Variants in CGGBP1 observed in about 807,000 individuals in gnomAD.
The protein encoded by CGGBP1 is CGG triplet repeat binding protein 1, also known as CGG triplet repeat-binding protein 1.
CGGBP1 carries 4 observed loss-of-function variants against 11.4 expected under a neutral mutation model. The ratio of observed to expected loss-of-function variants is 0.35; its 90% CI spans 0.17 to 0.80. The LOEUF (loss-of-function observed/expected upper bound fraction) is 0.80. CGGBP1 is among the 30% of genes least tolerant of loss of function. CGGBP1 has a pLI of 0.52. For synonymous variants in CGGBP1, 76 were observed against 74.1 expected, an observed-to-expected ratio of 1.03 and a Z score of -0.13; for missense variants, 135 against 202.1, an observed-to-expected ratio of 0.67 and a Z score of 2.01.
chr3:88,064,351 C>T (rs534479256), intron 2 of CGGBP1, among the ~76,000 whole-genome samples: 14 of 152,284 alleles, frequency 9.2e-5, no homozygotes, highest in Admixed American at 7.2e-4. Flanking sequence ...AGCATGTTCA[C>T]TATGTACACT....
chr3:88,108,063 A>G (rs1160038814), intron 2 of CGGBP1, among the ~76,000 whole-genome samples: 1 of 152,010 alleles, frequency 6.6e-6, no homozygotes, highest in Non-Finnish European at 1.5e-5. Flanking sequence ...GATTGAAAGA[A>G]TTTGCATTTG....
At chr3:88,059,659 C>T (rs1184679094), upstream of CGGBP1, among the ~76,000 whole-genome samples, 1 of 150,680 alleles carries the variant, frequency 6.6e-6, no homozygotes, top group Non-Finnish European at 1.5e-5. Context: ...ACTTATCCGG[C>T]TTGGGGTGGG....
upstream of CGGBP1, chr3:88,059,249 G>A (rs1706688320): frequency 5.2e-6 from 8 of 1,527,742 alleles, no homozygotes; most frequent in Admixed American, 2.0e-5. Context: ...AGAGGAGGAG[G>A]AGGTTAGCCT....
At chr3:88,065,023 ATAAT>A (rs1559685446) in intron 2 of CGGBP1, among the ~76,000 whole-genome samples, 1 of 152,262 alleles carries the variant, frequency 6.6e-6, no homozygotes, top group African/African-American at 2.4e-5. Context: ...TGCATTGATA[ATAAT>A]TTTTAATTGC....
chr3:88,068,767 C>T (rs1241937129), intron 2 of CGGBP1, among the ~76,000 whole-genome samples: 1 of 152,116 alleles, frequency 6.6e-6, no homozygotes, highest in Non-Finnish European at 1.5e-5. Flanking sequence ...CCATTATTCT[C>T]ATTTTTATAG....
At chr3:88,143,114 C>T (rs1487525905) in intron 1 of CGGBP1, 3 of 152,314 alleles carry the variant, frequency 2.0e-5, no homozygotes, top group Non-Finnish European at 4.4e-5. Context: ...ATAATCTCAT[C>T]AGACCCTATT....
chr3:88,087,318 G>A (rs1319316865), intron 2 of CGGBP1, among the ~76,000 whole-genome samples: 2 of 152,090 alleles, frequency 1.3e-5, no homozygotes, highest in African/African-American at 4.8e-5. Context: ...CAGGTGATCT[G>A]CCCACCTTGG....
chr3:88,141,334 T>C (rs371752942), intron 1 of CGGBP1, among the ~76,000 whole-genome samples: 57 of 55,818 alleles, frequency 1.0e-3, no homozygotes, highest in African/African-American at 2.2e-3. Flanking sequence ...ATTCTTTGAT[T>C]ATACTTCTTC....
At chr3:88,067,405 C>A (rs1707259761) in intron 2 of CGGBP1, among the ~76,000 whole-genome samples, 1 of 152,004 alleles carries the variant, frequency 6.6e-6, no homozygotes, top group African/African-American at 2.4e-5. Context: ...AAGGGAGGTC[C>A]GGTTATCATA....
chr3:88,074,586 C>T (rs1360754452), intron 2 of CGGBP1, among the ~76,000 whole-genome samples: 2 of 152,102 alleles, frequency 1.3e-5, no homozygotes, highest in African/African-American at 2.4e-5. Context: ...AAGTGATCCG[C>T]CTGCCTCGGC....
chr3:88,080,124 T>C (rs1576223243), intron 2 of CGGBP1, among the ~76,000 whole-genome samples: 2 of 152,086 alleles, frequency 1.3e-5, no homozygotes. Flanking sequence ...TAGCATTTTA[T>C]TTATATTGCT....
At chr3:88,147,126 G>A (rs1707327070) in intron 1 of CGGBP1, among the ~76,000 whole-genome samples, 1 of 152,138 alleles carries the variant, frequency 6.6e-6, no homozygotes, top group African/African-American at 2.4e-5. Flanking sequence ...CCATGTGCGG[G>A]CCTCTGTAAC....
chr3:88,066,145 TTAAA>T (rs1707187052), intron 2 of CGGBP1, among the ~76,000 whole-genome samples: 1 of 152,236 alleles, frequency 6.6e-6, no homozygotes, highest in Non-Finnish European at 1.5e-5. Context: ...AATGAATTGG[TTAAA>T]TAAACTTATG....
At chr3:88,100,506 C>T (rs1279548788) in intron 2 of CGGBP1, among the ~76,000 whole-genome samples, 1 of 150,826 alleles carries the variant, frequency 6.6e-6, no homozygotes, top group Non-Finnish European at 1.5e-5. Flanking sequence ...TCATGCTGCG[C>T]ACATGTATGT....
At chr3:88,139,751 T>A in intron 2 of CGGBP1, 1 of 1,554,816 alleles carries the variant, frequency 6.4e-7, no homozygotes, top group Non-Finnish European at 8.7e-7. Flanking sequence ...AGCCTTTAAC[T>A]GAATGTGGGG....
chr3:88,053,246 A>C lies in CGGBP1; in HGVS notation c.*2227T>G, dbSNP rs867734854. On this transcript the variant is annotated 3_prime_UTR_variant, in exon 4 of 4. Transcript: ENST00000482016. ...AACAATCATTCTGCTGTATTTATTT[A>C]ACTTTAGACACAGTTAACTAGCTTC... The C allele has an allele frequency of 6.6e-6, 1 of 152,132 alleles. No homozygotes were observed. Among genetic ancestry groups the C allele is most frequent in the African/African-American group, 2.4e-5 (1 of 41,450 alleles). 9.4% of individuals were successfully genotyped at this position (152,132 alleles called of 1,614,324 possible). A position where few individuals can be genotyped will look rare whatever the true frequency, so the allele number is the denominator to read the frequency against.
At chr3:88,127,488 A>G (rs1706186398) in intron 2 of CGGBP1, among the ~76,000 whole-genome samples, 1 of 152,010 alleles carries the variant, frequency 6.6e-6, no homozygotes, top group Non-Finnish European at 1.5e-5. Context: ...CTGAGGAGGA[A>G]GAGTTGGATT....
intron 2 of CGGBP1, among the ~76,000 whole-genome samples, chr3:88,137,906 TA>T (rs1706895042): frequency 6.6e-6 from 1 of 152,094 alleles, no homozygotes; most frequent in African/African-American, 2.4e-5. Flanking sequence ...TATATACATA[TA>T]TATGATGTTA....
At position 88,055,791 on chromosome 3, in the gene CGGBP1, G is replaced by A; in HGVS notation, c.186C>T (p.Leu62=). The change falls in exon 4 of 4, where the codon CTC becomes CTT. Residue 62 remains leucine (L), a synonymous_variant. Transcript: ENST00000482016. The surrounding 1 kb of genome is among the most constrained non-coding windows in gnomAD (Gnocchi z 4.2). Reference sequence around the variant, plus strand: ...TCCTCTTGGTATGAGTCTTTGACTTGAGGTGGTCACTAATGGCAGACTTGC... The same window carrying A: ...TCCTCTTGGTATGAGTCTTTGACTTAAGGTGGTCACTAATGGCAGACTTGC... ...HVRKSAISDH[L]KSKTHTKRKA... 1.2e-6 allele frequency: 2 copies of A among 1,614,166 alleles called. No homozygotes were observed. The highest frequency in any genetic ancestry group is 1.7e-6 in the Non-Finnish European group (2 of 1,180,016).
Sources: gnomAD v4.1 joint callset for allele counts (sites outside exome capture counted in the v4.1 genomes callset) on GRCh38, gnomAD v4.1.1 for gene constraint, Gnocchi (gnomAD v3.1) non-coding constraint, MANE v1.5 for transcripts, NCBI Gene and HGNC (gene_info 2026-07-23, HGNC 2026-07-21) for gene names.